The following TNN variants were observed in gnomAD, a reference collection of about 807,000 sequenced individuals.
The protein encoded by TNN is tenascin-N.
TNN carries 122 observed loss-of-function variants against 134.4 expected under a neutral mutation model. The ratio of observed to expected loss-of-function variants is 0.91; its 90% CI spans 0.78 to 1.06. TNN has a LOEUF of 1.06. Among genes scored for constraint, TNN ranks in the 50% least tolerant of loss-of-function variants. The pLI, the probability that TNN is intolerant of heterozygous loss-of-function variation, is 0.00. For synonymous variants in TNN, 710 were observed against 670.3 expected, an observed-to-expected ratio of 1.06 and a Z score of -0.91; for missense variants, 1,739 against 1,699.4, an observed-to-expected ratio of 1.02 and a Z score of -0.41.
intron 17 of TNN, among the ~76,000 whole-genome samples, chr1:175,143,090 A>C (rs1018818160): frequency 1.3e-5 from 2 of 152,206 alleles, no homozygotes; most frequent in African/African-American, 4.8e-5. Context: ...TTGGAATCTC[A>C]GGACAGAGAT....
At chr1:175,107,664 G>A (rs552794898) in intron 9 of TNN, among the ~76,000 whole-genome samples, 4 of 137,660 alleles carry the variant, frequency 2.9e-5, no homozygotes, top group East Asian at 2.4e-4. Context: ...ATGCTGGCTC[G>A]GGCAGCCTGC....
At position 175,116,922 on chromosome 1, in the gene TNN, G is replaced by A. The variant is rs532292968; in HGVS notation, c.2120-17G>A. On this transcript the variant is annotated splice_polypyrimidine_tract_variant and intron_variant, in intron 9 of 18. Transcript: ENST00000239462. ...ACCAGTTCATAGTGTTCATTGATCA[G>A]CAATTTTTTTTTTCAGACATTGACA... 1.2e-5 allele frequency: 19 copies of A among 1,614,220 alleles called. No homozygotes were observed. The African/African-American group carries it at 2.1e-4, about 18-fold the overall frequency.
chr1:175,137,423 T>G (rs1050929400), intron 17 of TNN, among the ~76,000 whole-genome samples: 2 of 144,576 alleles, frequency 1.4e-5, no homozygotes, highest in Non-Finnish European at 3.1e-5. Context: ...CACTTTGCTA[T>G]AAAAACAGAA....
At position 175,136,871 on chromosome 1, in the gene TNN, G is replaced by C. The variant is rs373579665; in HGVS notation, c.3478G>C (p.Val1160Leu). ...LTTGTPARYEVRVDLQTANES... is the reference protein window; with the variant it reads ...LTTGTPARYELRVDLQTANES... ...CACCGGCACTCCAGCGCGGTATGAGGTGAGAGTGGATTTACAGACTGCCAA... is the reference window on the plus strand; with the variant it reads ...CACCGGCACTCCAGCGCGGTATGAGCTGAGAGTGGATTTACAGACTGCCAA... Residue 1160 changes from valine to leucine, a missense_variant, in exon 17 of 19, where the codon GTG becomes CTG. Transcript: ENST00000239462. 1 of 1,614,206 alleles carries C rather than the reference G, an allele frequency of 6.2e-7. No individual in the cohort carries two copies. Among genetic ancestry groups the C allele is most frequent in the African/African-American group, 1.3e-5 (1 of 75,054 alleles).
At chr1:175,110,836 C>A (rs1674999512) in intron 9 of TNN, among the ~76,000 whole-genome samples, 1 of 152,126 alleles carries the variant, frequency 6.6e-6, no homozygotes, top group Admixed American at 6.6e-5. Flanking sequence ...CTCAGGATTT[C>A]TTTGGCTATT....
At chr1:175,127,887 G>T (rs1211479365) in intron 13 of TNN, 145 bp from the exon 14 acceptor site, 2 of 900,120 alleles carry the variant, frequency 2.2e-6, no homozygotes, top group East Asian at 5.1e-5. Context: ...TGCGATTCTG[G>T]GCTGCCACTG....
chr1:175,123,311 C>G, intron 11 of TNN, 89 bp from the exon 12 acceptor site: 1 of 1,422,518 alleles, frequency 7.0e-7, no homozygotes, highest in Non-Finnish European at 9.7e-7. Flanking sequence ...TTAATGATAA[C>G]ATGATGGAGA....
intron 7 of TNN, 44 bp from the exon 8 acceptor site, chr1:175,097,373 G>A: frequency 6.2e-7 from 1 of 1,609,552 alleles, no homozygotes; most frequent in Non-Finnish European, 8.5e-7. Flanking sequence ...TATGGAATTA[G>A]AGGGTGGTAA....
At chr1:175,133,866 C>T (rs1034256844) in intron 15 of TNN, among the ~76,000 whole-genome samples, 3 of 152,174 alleles carry the variant, frequency 2.0e-5, no homozygotes, top group Non-Finnish European at 4.4e-5. Flanking sequence ...CAGGCTGTTT[C>T]CAGCTTGTAG....
Position 175,079,613 on chromosome 1 carries a change from G to A in TNN, c.690G>A (p.Glu230=), listed in dbSNP as rs774684443. Residue 230 remains glutamate (E), a synonymous_variant, in exon 3 of 19, where the codon GAG becomes GAA. Transcript: ENST00000239462. The part of the protein sequence containing the change: ...HEDFMSEDCS[E]KRCPGDCSGH... ...ACTTCATGTCGGAGGACTGCAGCGA[G>A]AAGCGCTGTCCCGGCGACTGCAGCG... The A allele has an allele frequency of 1.2e-6, 2 of 1,600,856 alleles. No individual in the cohort carries two copies. Among genetic ancestry groups the A allele is most frequent in the Non-Finnish European group, 1.7e-6 (2 of 1,174,972 alleles).
intron 10 of TNN, 142 bp from the exon 11 acceptor site, chr1:175,118,419 A>T (rs1466644916): frequency 9.7e-7 from 1 of 1,034,818 alleles, no homozygotes; most frequent in Non-Finnish European, 1.4e-6. Context: ...GATGTCCATG[A>T]AACAGCTAAA....
At chr1:175,141,769 C>T (rs1376988851) in intron 17 of TNN, among the ~76,000 whole-genome samples, 1 of 152,140 alleles carries the variant, frequency 6.6e-6, no homozygotes, top group Admixed American at 6.5e-5. Flanking sequence ...CCAACTTGAT[C>T]CCCTCTGAGT....
At chr1:175,120,044 TA>T (rs1675309087) in intron 11 of TNN, among the ~76,000 whole-genome samples, 2 of 152,342 alleles carry the variant, frequency 1.3e-5, no homozygotes, top group South Asian at 4.1e-4. Context: ...AACCACTGAT[TA>T]AAAACCTGTT....
chr1:175,106,023 A>G (rs1674842288), intron 9 of TNN, among the ~76,000 whole-genome samples: 1 of 145,712 alleles, frequency 6.9e-6, no homozygotes, highest in Non-Finnish European at 1.5e-5. Flanking sequence ...CCCAGACCAC[A>G]TGGAGGACCG....
At chr1:175,127,968 A>C in intron 13 of TNN, 64 bp from the exon 14 acceptor site, 2 of 1,593,178 alleles carry the variant, frequency 1.3e-6, no homozygotes, top group East Asian at 2.2e-5. Context: ...CGCTGTTGAC[A>C]CCTAGGGTGC....
chr1:175,094,011 T>G lies in TNN; in HGVS notation c.1346T>G (p.Val449Gly). Residue 449 changes from valine (V) to glycine (G), a missense_variant, in exon 7 of 19, where the codon GTT (valine) becomes GGT (glycine). Physicochemically the swap from Val to Gly is moderately radical, Grantham distance 109. Coordinates refer to ENST00000239462, the MANE Select transcript of TNN (RefSeq NM_022093.2). The stretch of plus-strand genomic sequence containing the variant: ...GAAGAAATTGACAGTCCAACCAATG[T>G]TGTCACTGATCGAGTGACTGAAGAC... ...GRTEIDSPTN[V>G]VTDRVTEDTA... The G allele has an allele frequency of 1.2e-6, 2 of 1,605,982 alleles. No homozygotes were observed. Among genetic ancestry groups the G allele is most frequent in the Non-Finnish European group, 1.7e-6 (2 of 1,173,632 alleles).
intron 5 of TNN, among the ~76,000 whole-genome samples, chr1:175,084,581 C>T (rs546164020): frequency 8.5e-5 from 13 of 152,262 alleles, no homozygotes; most frequent in Middle Eastern, 3.4e-3. Context: ...AGGTACAAGG[C>T]CTTGGAATGG....
chr1:175,082,910 C>T (rs1369926321), intron 4 of TNN, among the ~76,000 whole-genome samples: 1 of 152,052 alleles, frequency 6.6e-6, no homozygotes, highest in African/African-American at 2.4e-5. Flanking sequence ...CTAGTCCTCC[C>T]ATCCCTAGAA....
intron 13 of TNN, among the ~76,000 whole-genome samples, chr1:175,127,676 T>C (rs1675566486): frequency 6.6e-6 from 1 of 152,202 alleles, no homozygotes; most frequent in Non-Finnish European, 1.5e-5. Context: ...AATTTCTCCT[T>C]AGCGCGGCAT....
Sources: allele counts gnomAD v4.1 joint callset (sites outside exome capture counted in the v4.1 genomes callset), GRCh38; gene constraint gnomAD v4.1.1; transcripts MANE v1.5; gene names NCBI Gene and HGNC (gene_info 2026-07-23, HGNC 2026-07-21).